Variants in CLYBL observed in about 807,000 individuals in gnomAD.
CLYBL encodes citramalyl-CoA lyase, mitochondrial.
Under a neutral mutation model 38.9 loss-of-function variants are expected in CLYBL, and 31 were observed. The observed-to-expected ratio is 0.80, with a 90% CI of 0.60 to 1.08. CLYBL has a LOEUF of 1.08. Ranked by LOEUF, CLYBL falls within the 50% of genes least tolerant of loss-of-function variation. CLYBL has a pLI of 0.00. For synonymous variants in CLYBL, 171 were observed against 158.6 expected (o/e 1.08, Z -0.59); for missense variants, 434 against 411.6 (o/e 1.05, Z -0.47).
intron 2 of CLYBL, among the ~76,000 whole-genome samples, chr13:99,825,972 A>G (rs1208837514): frequency 6.6e-6 from 1 of 152,210 alleles, no homozygotes; most frequent in Non-Finnish European, 1.5e-5. Flanking sequence ...ATCTGCCAGT[A>G]TATCGTAACT....
chr13:99,809,693 C>T (rs560242760), intron 2 of CLYBL, among the ~76,000 whole-genome samples: 5 of 152,246 alleles, frequency 3.3e-5, no homozygotes, highest in East Asian at 1.9e-4. Flanking sequence ...GAGGGTGTGA[C>T]GGCTGGCGCC....
intron 1 of CLYBL, among the ~76,000 whole-genome samples, chr13:99,645,543 AC>A (rs2139284576): frequency 6.7e-6 from 1 of 149,592 alleles, no homozygotes; most frequent in African/African-American, 2.5e-5. Flanking sequence ...GTGATATCTT[AC>A]CGTAGTTTTG....
chr13:99,693,228 T>C (rs1156236166), intron 1 of CLYBL, among the ~76,000 whole-genome samples: 2 of 152,210 alleles, frequency 1.3e-5, no homozygotes, highest in African/African-American at 4.8e-5. Context: ...CATTAGGTTT[T>C]AAGTTTCTTG....
intron 1 of CLYBL, among the ~76,000 whole-genome samples, chr13:99,769,206 T>C (rs1405027719): frequency 6.6e-6 from 1 of 152,180 alleles, no homozygotes; most frequent in East Asian, 1.9e-4. Flanking sequence ...ACCATGTGAC[T>C]GAGAGGTGGG....
chr13:99,898,310 GTT>G (rs2052605600), downstream of CLYBL, among the ~76,000 whole-genome samples: 1 of 152,162 alleles, frequency 6.6e-6, no homozygotes, highest in African/African-American at 2.4e-5. Flanking sequence ...GTGGTAGAGA[GTT>G]TCTTCCAAAG....
intron 2 of CLYBL, among the ~76,000 whole-genome samples, chr13:99,807,253 T>C (rs547095545): frequency 6.6e-6 from 1 of 152,324 alleles, no homozygotes; most frequent in African/African-American, 2.4e-5. Flanking sequence ...TAGTAGTTGA[T>C]AGGTGCGTTC....
chr13:99,613,422 C>G (rs117064496), intron 1 of CLYBL, among the ~76,000 whole-genome samples: 1,858 of 152,206 alleles, frequency 0.012, 19 homozygotes, highest in Non-Finnish European at 0.021. Flanking sequence ...TGGAAGGTGG[C>G]TGAGGGGCCT....
At chr13:99,727,569 T>C (rs989261567) in intron 1 of CLYBL, 1 of 151,272 alleles carries the variant, frequency 6.6e-6, no homozygotes, top group Non-Finnish European at 1.5e-5. Context: ...TCAGGTCAGA[T>C]CTAGTATCCA....
At position 99,820,175 on chromosome 13, in the gene CLYBL, A is replaced by G. The variant is rs536722941; in HGVS notation, c.250-38686A>G. Among the ~76,000 whole-genome samples, 3 of 152,232 alleles carry G rather than the reference A, an allele frequency of 2.0e-5. No individual in the cohort carries two copies. The East Asian group carries it at 5.8e-4, about 30-fold the overall frequency. ...AGGATGAGGGAGCTGACACTTCTGC[A>G]TGAGCTCAGAGGTCAAAGGGCAGTT... On this transcript the variant is annotated intron_variant, in intron 2 of 8. Coordinates refer to ENST00000339105, the MANE Select transcript of CLYBL (RefSeq NM_206808.5).
intron 1 of CLYBL, among the ~76,000 whole-genome samples, chr13:99,753,144 A>G (rs1371421320): frequency 6.6e-6 from 1 of 152,046 alleles, no homozygotes; most frequent in Non-Finnish European, 1.5e-5. Flanking sequence ...GTGAGCAGGA[A>G]GATGTGGTGT....
At chr13:99,609,400 C>A (rs909193025) in intron 1 of CLYBL, among the ~76,000 whole-genome samples, 4 of 152,106 alleles carry the variant, frequency 2.6e-5, no homozygotes, top group Non-Finnish European at 4.4e-5. Flanking sequence ...TGGTCTCGAT[C>A]TTCTGACCTC....
chr13:99,633,106 G>T (rs1450903573), intron 1 of CLYBL, among the ~76,000 whole-genome samples: 2 of 149,904 alleles, frequency 1.3e-5, no homozygotes, highest in Non-Finnish European at 3.0e-5. Context: ...CCAGGTGTGG[G>T]AGACTGAGAC....
chr13:99,646,831 GA>G (rs1041944744), intron 1 of CLYBL, among the ~76,000 whole-genome samples: 2 of 152,120 alleles, frequency 1.3e-5, no homozygotes, highest in Non-Finnish European at 2.9e-5. Context: ...GCTGGTTACA[GA>G]AATCTTAATA....
At chr13:99,711,346 A>G (rs554063646) in intron 1 of CLYBL, among the ~76,000 whole-genome samples, 59 of 151,014 alleles carry the variant, frequency 3.9e-4, no homozygotes, top group African/African-American at 1.4e-3. Flanking sequence ...CTCCCGGTCC[A>G]CAGACGCACA....
chr13:99,755,404 G>C (rs1392859448), intron 1 of CLYBL, among the ~76,000 whole-genome samples: 1 of 152,104 alleles, frequency 6.6e-6, no homozygotes, highest in African/African-American at 2.4e-5. Context: ...CTGTTCTTGG[G>C]GTACAGGAAA....
chr13:99,789,791 T>A lies in CLYBL; in HGVS notation c.249+16781T>A, dbSNP rs1045470114. On this transcript the variant is annotated intron_variant, in intron 2 of 8. Transcript: ENST00000339105. Reference sequence around the variant, plus strand: ...TCTCGTTGATCTGTCTAATGTTGACTGTGGGGTGTTAAAGTCTCCTATTAT... The same window carrying A: ...TCTCGTTGATCTGTCTAATGTTGACAGTGGGGTGTTAAAGTCTCCTATTAT... Among the ~76,000 whole-genome samples, 87 of 152,262 alleles carry A rather than the reference T, an allele frequency of 5.7e-4. 1 individual carries two copies. Among genetic ancestry groups the A allele is most frequent in the African/African-American group, 2.0e-3 (85 of 41,568 alleles).
chr13:99,875,017 C>G (rs2052002612), intron 7 of CLYBL, among the ~76,000 whole-genome samples: 1 of 152,194 alleles, frequency 6.6e-6, no homozygotes, highest in Non-Finnish European at 1.5e-5. Context: ...CAGACATTCT[C>G]TTTGATTCAT....
intron 1 of CLYBL, among the ~76,000 whole-genome samples, chr13:99,711,876 C>T (rs753583997): frequency 2.6e-5 from 4 of 151,742 alleles, no homozygotes; most frequent in Admixed American, 6.6e-5. Flanking sequence ...CCATCACGCC[C>T]GGCTAATTTT....
chr13:99,680,200 C>T (rs1233572616), intron 1 of CLYBL, among the ~76,000 whole-genome samples: 1 of 152,178 alleles, frequency 6.6e-6, no homozygotes, highest in African/African-American at 2.4e-5. Context: ...TTCCTCCACA[C>T]ATTCACAGGT....
Sources: gnomAD v4.1 joint callset for allele counts (sites outside exome capture counted in the v4.1 genomes callset) on GRCh38, gnomAD v4.1.1 for gene constraint, MANE v1.5 for transcripts, NCBI Gene and HGNC (gene_info 2026-07-23, HGNC 2026-07-21) for gene names.